KHDRBS2: variants seen among roughly 807,000 people sequenced by gnomAD.
KHDRBS2 encodes the protein KH domain-containing, RNA-binding, signal transduction-associated protein 2.
Under a neutral mutation model 44.3 loss-of-function variants are expected in KHDRBS2, and 26 were observed. That is an observed-to-expected ratio of 0.59 (90% CI 0.43 to 0.81). The LOEUF (loss-of-function observed/expected upper bound fraction) is 0.81. Among genes scored for constraint, KHDRBS2 ranks in the 40% least tolerant of loss-of-function variants. The pLI, the probability that KHDRBS2 is intolerant of heterozygous loss-of-function variation, is 0.00. For synonymous variants in KHDRBS2, 194 were observed against 151.1 expected (o/e 1.28, Z -2.08); for missense variants, 476 against 433.1 (o/e 1.10, Z -0.88).
intron 2 of KHDRBS2, among the ~76,000 whole-genome samples, chr6:62,131,048 GAA>G (rs1287709644): frequency 2.0e-5 from 3 of 151,934 alleles, no homozygotes; most frequent in African/African-American, 4.8e-5. Context: ...ATTATTTTAA[GAA>G]AAACCTGGGC....
At chr6:61,983,245 T>TCTTTCTTTC (rs1376239482) in intron 3 of KHDRBS2, among the ~76,000 whole-genome samples, 16 of 140,024 alleles carry the variant, frequency 1.1e-4, no homozygotes, top group African/African-American at 4.0e-4. Flanking sequence ...TCTTTTTTTT[T>TCTTTCTTTC]TTTTTTTTTT....
chr6:62,031,103 A>G (rs1476431743), intron 3 of KHDRBS2, among the ~76,000 whole-genome samples: 1 of 152,108 alleles, frequency 6.6e-6, no homozygotes, highest in African/African-American at 2.4e-5. Context: ...AGCAGATTAG[A>G]GCTCACCAGG....
intron 6 of KHDRBS2, among the ~76,000 whole-genome samples, chr6:61,881,014 TG>T: frequency 6.6e-6 from 1 of 152,010 alleles, no homozygotes. Flanking sequence ...AGCTTCTAGA[TG>T]GCCATTAAGT....
At chr6:61,822,973 G>A (rs1428830299) in intron 6 of KHDRBS2, among the ~76,000 whole-genome samples, 1 of 151,998 alleles carries the variant, frequency 6.6e-6, no homozygotes, top group Non-Finnish European at 1.5e-5. Flanking sequence ...CATAAGGACA[G>A]GCACCATTCC....
chr6:62,173,911 T>G (rs1563001345), intron 2 of KHDRBS2, among the ~76,000 whole-genome samples: 1 of 151,874 alleles, frequency 6.6e-6, no homozygotes, highest in South Asian at 2.1e-4. Context: ...GGGAATATAT[T>G]TCAAAATAAT....
At chr6:61,700,706 TCTC>T (rs1425125333) in intron 7 of KHDRBS2, among the ~76,000 whole-genome samples, 2 of 148,850 alleles carry the variant, frequency 1.3e-5, no homozygotes, top group Admixed American at 6.9e-5. Flanking sequence ...TTAAGAATAA[TCTC>T]CTCATCCTGG....
At chr6:61,766,980 T>TTAGGGCTATTG (rs967951726) in intron 6 of KHDRBS2, among the ~76,000 whole-genome samples, 2 of 152,138 alleles carry the variant, frequency 1.3e-5, no homozygotes, top group African/African-American at 4.8e-5. Flanking sequence ...ATTGGGTCTA[T>TTAGGGCTATTG]GGTGCAGATT....
At chr6:61,630,304 T>C in the KHDRBS2 span, 1 of 152,182 alleles carries the variant, frequency 6.6e-6, no homozygotes, top group Admixed American at 6.5e-5. Context: ...AGACTATCTT[T>C]GAATCAAAGT....
At chr6:62,241,790 G>A (rs1834722229) in intron 1 of KHDRBS2, among the ~76,000 whole-genome samples, 1 of 148,602 alleles carries the variant, frequency 6.7e-6, no homozygotes, top group Non-Finnish European at 1.5e-5. Flanking sequence ...TAATTATCCA[G>A]GATTCAAGAT....
At chr6:61,576,055 G>C in the KHDRBS2 span, among the ~76,000 whole-genome samples, 3 of 151,736 alleles carry the variant, frequency 2.0e-5, no homozygotes, top group Non-Finnish European at 2.9e-5. Context: ...ACCACTAAAG[G>C]CCTTATCCAT....
intron 4 of KHDRBS2, among the ~76,000 whole-genome samples, chr6:61,953,232 G>A (rs1765137526): frequency 6.6e-6 from 1 of 151,914 alleles, no homozygotes; most frequent in African/African-American, 2.4e-5. Context: ...TATCATTTCT[G>A]TTTTAAATAT....
intron 1 of KHDRBS2, among the ~76,000 whole-genome samples, chr6:62,253,975 C>T (rs1836967116): frequency 6.6e-6 from 1 of 151,954 alleles, no homozygotes. Flanking sequence ...TGGGGAATAA[C>T]ACAAGCAAGA....
chr6:62,061,244 A>T (rs1262092839), intron 2 of KHDRBS2, among the ~76,000 whole-genome samples: 1 of 151,132 alleles, frequency 6.6e-6, no homozygotes, highest in Non-Finnish European at 1.5e-5. Context: ...TTTGCTCGTT[A>T]GTTGATGCAG....
intron 2 of KHDRBS2, among the ~76,000 whole-genome samples, chr6:62,066,794 T>C (rs1196558393): frequency 6.6e-6 from 1 of 151,624 alleles, no homozygotes; most frequent in Non-Finnish European, 1.5e-5. Flanking sequence ...TATAAATTCA[T>C]TTCCAAGTGA....
At chr6:62,088,982 C>A (rs1406453995) in intron 2 of KHDRBS2, among the ~76,000 whole-genome samples, 1 of 152,080 alleles carries the variant, frequency 6.6e-6, no homozygotes, top group African/African-American at 2.4e-5. Flanking sequence ...CAGTGGGCTC[C>A]ACCCAGTGTG....
At chr6:62,215,920 T>C (rs1563078036) in intron 1 of KHDRBS2, among the ~76,000 whole-genome samples, 2 of 151,824 alleles carry the variant, frequency 1.3e-5, no homozygotes, top group Admixed American at 6.6e-5. Context: ...ATTAATATGA[T>C]ACTCTATGAT....
At chr6:62,202,902 G>T (rs774622803) in intron 1 of KHDRBS2, among the ~76,000 whole-genome samples, 1 of 152,124 alleles carries the variant, frequency 6.6e-6, no homozygotes, top group African/African-American at 2.4e-5. Flanking sequence ...CAGCATGTGT[G>T]ATCAGCTTAT....
intron 4 of KHDRBS2, among the ~76,000 whole-genome samples, chr6:61,916,253 C>T (rs531185799): frequency 1.6e-4 from 24 of 152,092 alleles, no homozygotes; most frequent in African/African-American, 5.5e-4. Context: ...GAATTTTATA[C>T]AGGCAAAGCT....
intron 2 of KHDRBS2, among the ~76,000 whole-genome samples, chr6:62,164,887 A>T (rs931782950): frequency 2.7e-4 from 41 of 152,006 alleles, no homozygotes; most frequent in African/African-American, 8.9e-4. Flanking sequence ...ATCTCAAATT[A>T]ATCATAACTT....
Sources: allele counts gnomAD v4.1 joint callset (sites outside exome capture counted in the v4.1 genomes callset), GRCh38; gene constraint gnomAD v4.1.1; transcripts MANE v1.5; gene names NCBI Gene and HGNC (gene_info 2026-07-23, HGNC 2026-07-21).